Variants in SPAG5 observed in about 807,000 individuals in gnomAD.
The protein encoded by SPAG5 is sperm-associated antigen 5.
In SPAG5, 99 loss-of-function variants were observed where a neutral mutation model predicts 145.4. The ratio of observed to expected loss-of-function variants is 0.68; its 90% confidence interval spans 0.58 to 0.80. The LOEUF (loss-of-function observed/expected upper bound fraction) is 0.80. Among genes scored for constraint, SPAG5 ranks in the 30% least tolerant of loss-of-function variants. SPAG5 has a pLI of 0.00. For synonymous variants in SPAG5, 477 were observed against 525.4 expected, an observed-to-expected ratio of 0.91 and a Z score of 1.26; for missense variants, 1,192 against 1,416.0, an observed-to-expected ratio of 0.84 and a Z score of 2.54.
Position 28,584,226 on chromosome 17 carries a change from T to G in SPAG5, c.2336A>C (p.Lys779Thr), listed in dbSNP as rs754855413. ...AQWQKEEMAL[K>T]HMQAELQQQQ... ...CTGCTGCAGTTCTGCCTGCATGTGT[T>G]TTAGTGCCATCTCTTCCTTTTGCCA... Residue 779 changes from lysine to threonine, a missense_variant, in exon 13 of 24, where the codon AAA (lysine) becomes ACA (threonine). Lys to Thr is a moderately conservative substitution (Grantham distance 78). Transcript: ENST00000321765. 1 of 1,613,876 alleles carries G rather than the reference T, an allele frequency of 6.2e-7. No homozygotes were observed. Among genetic ancestry groups the G allele is most frequent in the African/African-American group, 1.3e-5 (1 of 74,940 alleles).
At chr17:28,598,409 T>G in intron 2 of SPAG5, 101 bp downstream of exon 2, 1 of 1,395,822 alleles carries the variant, frequency 7.2e-7, no homozygotes, top group South Asian at 1.4e-5. Flanking sequence ...CGTAGAAGAC[T>G]TCATTATCGT....
intron 2 of SPAG5, 140 bp downstream of exon 2, chr17:28,598,370 C>T (rs1018518056): frequency 7.6e-6 from 8 of 1,047,130 alleles, no homozygotes; most frequent in Non-Finnish European, 9.4e-6. Context: ...TCTCTGTTGG[C>T]CTGAATAGCT....
At chr17:28,593,173 C>T (rs2070636439) in intron 2 of SPAG5, 107 bp from the exon 3 acceptor site, 1 of 1,355,110 alleles carries the variant, frequency 7.4e-7, no homozygotes, top group African/African-American at 1.5e-5. Flanking sequence ...TTCTTACTAC[C>T]TCTGCTTAGG....
intron 10 of SPAG5, 40 bp from the exon 11 acceptor site, chr17:28,584,785 G>T: frequency 1.4e-6 from 2 of 1,429,810 alleles, no homozygotes; most frequent in Non-Finnish European, 2.0e-6. Context: ...AGTTCCTCCT[G>T]AATCAATAAT....
chr17:28,585,665 A>G lies in SPAG5; in HGVS notation c.1741-12T>C. On this transcript the variant is annotated splice_polypyrimidine_tract_variant and intron_variant, in intron 7 of 23. Transcript: ENST00000321765. Reference sequence around the variant, plus strand: ...AACACTATCTCTGCCTATTGAGGGAAGTGGTTGCAAGGCCACAGTGGGCAA... The same window carrying G: ...AACACTATCTCTGCCTATTGAGGGAGGTGGTTGCAAGGCCACAGTGGGCAA... 1.9e-6 allele frequency: 3 copies of G among 1,613,188 alleles called. No individual in the cohort carries two copies. The African/African-American group carries it at 4.0e-5, about 22-fold the overall frequency.
intron 17 of SPAG5, 93 bp from the exon 18 acceptor site, chr17:28,579,578 C>T: frequency 6.8e-7 from 1 of 1,468,622 alleles, no homozygotes; most frequent in Non-Finnish European, 9.4e-7. Flanking sequence ...ATCCGTGTTC[C>T]CCACCCACAG....
At chr17:28,582,846 GA>G (rs1294561113) in intron 15 of SPAG5, 1 of 152,126 alleles carries the variant, frequency 6.6e-6, no homozygotes, top group Non-Finnish European at 1.5e-5. Context: ...GGTATCCAAG[GA>G]AAATTAATAC....
rs114527835 is a variant in SPAG5, at chr17:28,598,987, C to G, written c.-41G>C. The G allele has an allele frequency of 3.7e-6, 6 of 1,600,128 alleles. No individual in the cohort carries two copies. Among genetic ancestry groups the G allele is most frequent in the South Asian group, 2.2e-5 (2 of 90,816 alleles). ...AGGCCTATCACGTCTCAGACCAAGT[C>G]GAGGACGCCATGTTCACCCGCCGTC... On this transcript the variant is annotated 5_prime_UTR_variant, in exon 1 of 24. Coordinates refer to ENST00000321765, the MANE Select transcript of SPAG5 (RefSeq NM_006461.4).
intron 23 of SPAG5, 99 bp downstream of exon 23, chr17:28,577,911 T>C: frequency 8.0e-7 from 1 of 1,254,514 alleles, no homozygotes; most frequent in Non-Finnish European, 1.2e-6. Flanking sequence ...GGCCCAGCTC[T>C]CAGCACAGGC....
intron 4 of SPAG5, among the ~76,000 whole-genome samples, chr17:28,587,413 G>A (rs916687854): frequency 2.6e-5 from 4 of 151,312 alleles, no homozygotes; most frequent in African/African-American, 9.7e-5. Context: ...AGGCGTGGTG[G>A]CACGTGCCTG....
At chr17:28,577,802 AC>A in intron 23 of SPAG5, 32 bp from the exon 24 acceptor site, 1 of 1,579,494 alleles carries the variant, frequency 6.3e-7, no homozygotes, top group Non-Finnish European at 8.7e-7. Flanking sequence ...GCAGCTCAGG[AC>A]CACAGACTTA....
At chr17:28,597,551 C>T (rs1281133048) in intron 2 of SPAG5, among the ~76,000 whole-genome samples, 1 of 152,234 alleles carries the variant, frequency 6.6e-6, no homozygotes, top group Non-Finnish European at 1.5e-5. Flanking sequence ...TTCTATTGGA[C>T]AGTAGGTATT....
chr17:28,585,866 C>A lies in SPAG5; in HGVS notation c.1738G>T (p.Ala580Ser), dbSNP rs758413652. 6.8e-6 allele frequency: 11 copies of A among 1,614,116 alleles called. No individual in the cohort carries two copies. The highest frequency in any genetic ancestry group is 8.5e-6 in the Non-Finnish European group (10 of 1,180,050). The stretch of plus-strand genomic sequence containing the variant: ...AGAACAAATGCCTGTCACCTTACCG[C>A]ATCCTTGCCTCTGAGAGCCATTTCC... ...REEMALRGKD[A>S]AEIVLEAFCA... The change falls in exon 7 of 24, where the codon GCG (alanine) becomes TCG (serine). Residue 580 changes from alanine to serine, a missense_variant and splice_region_variant. Transcript: ENST00000321765.
chr17:28,588,771 T>G (rs2070601738), intron 4 of SPAG5, among the ~76,000 whole-genome samples: 1 of 152,084 alleles, frequency 6.6e-6, no homozygotes, highest in Admixed American at 6.5e-5. Flanking sequence ...AACCTCTACC[T>G]CCTAGGTTCA....
chr17:28,586,332 G>A (rs2070585354), intron 5 of SPAG5, 93 bp downstream of exon 5: 5 of 1,234,864 alleles, frequency 4.0e-6, no homozygotes, highest in East Asian at 4.6e-5. Context: ...TCACCACCAC[G>A]ACTTAGTATC....
At chr17:28,584,511 C>A (rs71372388) in intron 11 of SPAG5, 31 bp from the exon 12 acceptor site, 172,517 of 1,612,518 alleles carry the variant, frequency 0.11, 9,927 homozygotes, top group South Asian at 0.15. Context: ...TGACACCATG[C>A]GGTCAGCAGG....
In SPAG5 at chr17:28,592,821, T is replaced by G. The variant is rs2070632146; in HGVS notation, c.423A>C (p.Gln141His). Residue 141 changes from glutamine to histidine, a missense_variant, in exon 3 of 24, where the codon CAA becomes CAC. Gln to His is a conservative substitution (Grantham distance 24). This residue lies in a region of SPAG5 where 329 missense variants were observed against 354.0 expected (regional missense o/e 0.93). Coordinates refer to ENST00000321765, the MANE Select transcript of SPAG5 (RefSeq NM_006461.4). ...VLVPSPLGQQ[Q>H]DMIFEARLDT... The stretch of plus-strand genomic sequence containing the variant: ...CTAAACGGGCCTCAAATATCATGTC[T>G]TGTTGCTGCCCCAGTGGAGATGGTA... 6.2e-7 allele frequency: 1 copy of G among 1,614,200 alleles called. No homozygotes were observed. The highest frequency in any genetic ancestry group is 1.1e-5 in the South Asian group (1 of 91,086).
At chr17:28,593,329 A>G (rs2070637674) in intron 2 of SPAG5, among the ~76,000 whole-genome samples, 1 of 152,210 alleles carries the variant, frequency 6.6e-6, no homozygotes, top group African/African-American at 2.4e-5. Context: ...GGCAGATGGT[A>G]GCTTGAAAGT....
At chr17:28,584,504 C>T (rs772579071) in intron 11 of SPAG5, 24 bp from the exon 12 acceptor site, 1 of 1,613,316 alleles carries the variant, frequency 6.2e-7, no homozygotes, top group East Asian at 2.2e-5. Flanking sequence ...ATCCTAATGA[C>T]ACCATGCGGT....
Sources: gnomAD v4.1 joint callset for allele counts (sites outside exome capture counted in the v4.1 genomes callset) on GRCh38, gnomAD v4.1.1 for gene constraint, gnomAD v4.1.1 regional missense constraint, MANE v1.5 for transcripts, NCBI Gene and HGNC (gene_info 2026-07-23, HGNC 2026-07-21) for gene names.